Variants in TIAM1 observed in about 807,000 individuals in gnomAD.
The protein encoded by TIAM1 is rho guanine nucleotide exchange factor TIAM1.
In TIAM1, 65 loss-of-function variants were observed where a neutral mutation model predicts 163.5. The ratio of observed to expected loss-of-function variants is 0.40; its 90% confidence interval spans 0.33 to 0.49. TIAM1 has a LOEUF of 0.49. TIAM1 is among the 20% of genes least tolerant of loss of function. The probability of loss-of-function intolerance (pLI) is 0.77; values close to 1 mark genes in which losing one functional copy is unlikely to be tolerated. For missense variants in TIAM1, 1,789 were observed against 2,044.7 expected, an observed-to-expected ratio of 0.87 and a Z score of 2.41; for synonymous variants, 833 against 810.1, an observed-to-expected ratio of 1.03 and a Z score of -0.48.
chr21:31,253,708 A>C (rs2146756319), intron 4 of TIAM1, among the ~76,000 whole-genome samples: 1 of 152,296 alleles, frequency 6.6e-6, no homozygotes, highest in South Asian at 2.1e-4. Context: ...CTTAAGGGAA[A>C]GAAAGAAACC....
chr21:31,277,297 AT>A (rs1431668555), intron 2 of TIAM1, among the ~76,000 whole-genome samples: 7 of 152,198 alleles, frequency 4.6e-5, no homozygotes, highest in Non-Finnish European at 1.0e-4. Context: ...CACCAGCACC[AT>A]GATAGTTTAC....
At chr21:31,128,549 T>C (rs2082295603) in intron 25 of TIAM1, among the ~76,000 whole-genome samples, 1 of 152,196 alleles carries the variant, frequency 6.6e-6, no homozygotes, top group African/African-American at 2.4e-5. Context: ...AGGAACTAGA[T>C]AATTCATAAC....
intron 2 of TIAM1, among the ~76,000 whole-genome samples, chr21:31,404,914 C>T (rs1441173350): frequency 6.6e-6 from 1 of 152,142 alleles, no homozygotes; most frequent in East Asian, 1.9e-4. Context: ...CCCTGTTCCT[C>T]CTAGATCCTA....
At chr21:31,278,970 G>T (rs2073424196) in intron 2 of TIAM1, among the ~76,000 whole-genome samples, 1 of 152,134 alleles carries the variant, frequency 6.6e-6, no homozygotes, top group Non-Finnish European at 1.5e-5. Flanking sequence ...TGCAAGGCTG[G>T]ATTCTTCCTG....
chr21:31,532,327 TACACACATG>T (rs2047997139), intron 1 of TIAM1, among the ~76,000 whole-genome samples: 1 of 152,148 alleles, frequency 6.6e-6, no homozygotes, highest in Admixed American at 6.5e-5. Flanking sequence ...TGATGGTAAT[TACACACATG>T]ACCAACCAAC....
intron 1 of TIAM1, among the ~76,000 whole-genome samples, chr21:31,538,809 T>C (rs2048223065): frequency 6.6e-6 from 1 of 152,174 alleles, no homozygotes; most frequent in South Asian, 2.1e-4. Flanking sequence ...GAAAACGTTT[T>C]TATGCATTTC....
chr21:31,362,944 A>T (rs2076432300), intron 2 of TIAM1, among the ~76,000 whole-genome samples: 1 of 151,818 alleles, frequency 6.6e-6, no homozygotes, highest in South Asian at 2.1e-4. Context: ...GGTGGAAGAG[A>T]CTATTCCTTT....
intron 2 of TIAM1, among the ~76,000 whole-genome samples, chr21:31,317,892 T>C (rs2075182765): frequency 6.6e-6 from 1 of 152,244 alleles, no homozygotes; most frequent in African/African-American, 2.4e-5. Context: ...GAGACAACTA[T>C]AGGTCTTATT....
chr21:31,333,409 CCT>C (rs1471020142), intron 2 of TIAM1, among the ~76,000 whole-genome samples: 1 of 152,084 alleles, frequency 6.6e-6, no homozygotes, highest in African/African-American at 2.4e-5. Context: ...CTAGTTTATA[CCT>C]CTCATTTGAA....
At chr21:31,144,226 C>A (rs2082995472) in intron 20 of TIAM1, among the ~76,000 whole-genome samples, 1 of 152,200 alleles carries the variant, frequency 6.6e-6, no homozygotes, top group South Asian at 2.1e-4. Context: ...GACAGGAGAG[C>A]TGGGCCGGGC....
In TIAM1 at chr21:31,166,459, T is replaced by C. The variant is rs561764624; in HGVS notation, c.2888-1394A>G. 7.9e-5 allele frequency among the ~76,000 whole-genome samples: 12 copies of C among 152,278 alleles called. No individual in the cohort carries two copies. The East Asian group carries it at 2.3e-3, about 29-fold the overall frequency. On this transcript the variant is annotated intron_variant, in intron 15 of 27. Transcript: ENST00000541036. ...CAACACTTTCTATTCAGGTCCAAGC[T>C]GGCCAGGAAAGTTAGGGAGGAAGTG...
chr21:31,154,276 G>A lies in TIAM1; in HGVS notation c.3142C>T (p.Leu1048Phe). The change falls in exon 17 of 28, where the codon CTC becomes TTC. Residue 1048 changes from leucine to phenylalanine, a missense_variant. By Grantham distance (22) the Leu-to-Phe change is conservative. Around this residue, in one of 5 missense-constraint regions of TIAM1, gnomAD observed 303 missense variants for 321.3 expected, o/e 0.94. Coordinates refer to ENST00000541036, the MANE Select transcript of TIAM1 (RefSeq NM_001353694.2). ...ACGTAGGTGCGCTCCGTCTCCAGGA[G>A]CTCGCAGATCACCTTGCGCAGCTTA... ...ADKLRKVICE[L>F]LETERTYVKD... 6.2e-7 allele frequency: 1 copy of A among 1,614,040 alleles called. No homozygotes were observed. Among genetic ancestry groups the A allele is most frequent in the Admixed American group, 1.7e-5 (1 of 60,014 alleles).
chr21:31,478,351 T>C (rs950644958), intron 1 of TIAM1, among the ~76,000 whole-genome samples: 4 of 152,204 alleles, frequency 2.6e-5, no homozygotes, highest in Admixed American at 1.3e-4. Context: ...TACCTACTTG[T>C]AATTAAAAAG....
At chr21:31,323,098 G>A (rs1255426133) in intron 2 of TIAM1, among the ~76,000 whole-genome samples, 1 of 151,612 alleles carries the variant, frequency 6.6e-6, no homozygotes, top group Non-Finnish European at 1.5e-5. Context: ...GACCATCCTG[G>A]CCAACATGGT....
chr21:31,311,742 C>T (rs186290707), intron 2 of TIAM1, among the ~76,000 whole-genome samples: 1 of 152,274 alleles, frequency 6.6e-6, no homozygotes, highest in East Asian at 1.9e-4. Context: ...ATAGTTAATA[C>T]TGAGTGTCAA....
chr21:31,426,457 A>G (rs1435225171), intron 2 of TIAM1, among the ~76,000 whole-genome samples: 2 of 152,206 alleles, frequency 1.3e-5, no homozygotes, highest in African/African-American at 4.8e-5. Flanking sequence ...TGAAATCTTC[A>G]TTATGTTAAA....
Position 31,369,011 on chromosome 21 carries a change from G to A in TIAM1, c.-368-29589C>T, listed in dbSNP as rs192740570. 2.1e-3 allele frequency among the ~76,000 whole-genome samples: 324 copies of A among 152,046 alleles called. 1 individual carries two copies. Among genetic ancestry groups the A allele is most frequent in the Middle Eastern group, 0.02 (6 of 294 alleles). Reference sequence around the variant, plus strand: ...TCCCAGCACTTTGGGAGGCCGAGGCGGGCGGATCACGAGGTCGGGAGATAG... The same window carrying A: ...TCCCAGCACTTTGGGAGGCCGAGGCAGGCGGATCACGAGGTCGGGAGATAG... On this transcript the variant is annotated intron_variant, in intron 2 of 28. Transcript: ENST00000286827.
At chr21:31,463,641 G>C (rs1299847991) in intron 2 of TIAM1, among the ~76,000 whole-genome samples, 1 of 151,914 alleles carries the variant, frequency 6.6e-6, no homozygotes, top group African/African-American at 2.4e-5. Context: ...AACATGACGA[G>C]ACCTCATCTC....
intron 2 of TIAM1, among the ~76,000 whole-genome samples, chr21:31,358,262 G>A (rs1158038647): frequency 6.6e-6 from 1 of 152,066 alleles, no homozygotes; most frequent in Non-Finnish European, 1.5e-5. Flanking sequence ...TTCCAGCCAG[G>A]TTGTTCTACA....
Sources: gnomAD v4.1 joint callset for allele counts (sites outside exome capture counted in the v4.1 genomes callset) on GRCh38, gnomAD v4.1.1 for gene constraint, gnomAD v4.1.1 regional missense constraint, MANE v1.5 for transcripts, NCBI Gene and HGNC (gene_info 2026-07-23, HGNC 2026-07-21) for gene names.